Variants in IMPA2 observed in about 807,000 individuals in gnomAD.
IMPA2 encodes IMP 2.
Under a neutral mutation model 35.1 loss-of-function variants are expected in IMPA2, and 32 were observed. The ratio of observed to expected loss-of-function variants is 0.91; its 90% CI spans 0.69 to 1.23. The LOEUF (loss-of-function observed/expected upper bound fraction) is 1.23, where lower values mean the gene tolerates loss of function less well. Ranked by LOEUF, IMPA2 falls within the 50% of genes most tolerant of loss-of-function variation. IMPA2 has a pLI of 0.00. For missense variants in IMPA2, 334 were observed against 387.6 expected (o/e 0.86, Z 1.16); for synonymous variants, 135 against 160.6 (o/e 0.84, Z 1.20).
At chr18:11,987,356 C>T (rs59889312) in intron 1 of IMPA2, among the ~76,000 whole-genome samples, 16,095 of 152,134 alleles carry the variant, frequency 0.11, 1,040 homozygotes, top group East Asian at 0.28. Context: ...TTTGAGACGA[C>T]GTCTAGCTCT....
chr18:12,010,950 T>G lies in IMPA2; in HGVS notation c.335+963T>G, dbSNP rs1907416615. On this transcript the variant is annotated intron_variant, in intron 3 of 7. Transcript: ENST00000269159. This position sits in a 1 kb window ranked among gnomAD's most constrained non-coding sequence, Gnocchi z 4.8. Reference sequence around the variant, plus strand: ...AGTCGTGCCATCTGGTGCCAGCAAATGTGTCACCAATCTCTCCTCTCATTT... The same window carrying G: ...AGTCGTGCCATCTGGTGCCAGCAAAGGTGTCACCAATCTCTCCTCTCATTT... 6.6e-6 allele frequency among the ~76,000 whole-genome samples: 1 copy of G among 152,144 alleles called. No individual in the cohort carries two copies. The highest frequency in any genetic ancestry group is 1.5e-5 in the Non-Finnish European group (1 of 68,040).
At chr18:11,987,395 A>C (rs556766971) in intron 1 of IMPA2, among the ~76,000 whole-genome samples, 4 of 152,240 alleles carry the variant, frequency 2.6e-5, no homozygotes, top group Non-Finnish European at 5.9e-5. Context: ...CAGTGGCGTG[A>C]TCTTGGCTCA....
intron 1 of IMPA2, among the ~76,000 whole-genome samples, chr18:11,988,802 G>A (rs541338949): frequency 1.7e-4 from 26 of 152,264 alleles, no homozygotes; most frequent in African/African-American, 6.3e-4. Flanking sequence ...GTTCTCTTCT[G>A]TGCAGGTTAA....
chr18:12,007,679 C>CTTTCTTTCTTTG (rs1207450457), intron 2 of IMPA2, among the ~76,000 whole-genome samples: 2 of 48,296 alleles, frequency 4.1e-5, no homozygotes, highest in East Asian at 2.6e-3. Context: ...TTCTTTCTTT[C>CTTTCTTTCTTTG]CTTTCTTTCC....
At chr18:12,017,092 T>G (rs1336836214) in intron 5 of IMPA2, among the ~76,000 whole-genome samples, 1 of 152,234 alleles carries the variant, frequency 6.6e-6, no homozygotes, top group Admixed American at 6.5e-5. Context: ...TGGAATATCT[T>G]CAACTCACAA....
At chr18:12,009,532 C>G (rs531175701) in intron 2 of IMPA2, among the ~76,000 whole-genome samples, 5 of 152,260 alleles carry the variant, frequency 3.3e-5, no homozygotes, top group African/African-American at 1.2e-4. Flanking sequence ...TCAGCCTCCT[C>G]CCCTACAGAC....
rs1233049917 is a variant in IMPA2 at position 11,991,050 on chromosome 18, G to A, written c.97-8004G>A. Among the ~76,000 whole-genome samples, 1 of 152,204 alleles carries A rather than the reference G, an allele frequency of 6.6e-6. No individual in the cohort carries two copies. ...GGTGTGAGGTGGAGGCCATCTCCAG[G>A]AAGCTCAGCTGCTGAAGGCAGGTCC... On this transcript the variant is annotated intron_variant, in intron 1 of 7. Transcript: ENST00000269159. This position sits in a 1 kb window ranked among gnomAD's most constrained non-coding sequence, Gnocchi z 4.1.
chr18:12,028,978 G>A lies in IMPA2; in HGVS notation c.736G>A (p.Val246Met), dbSNP rs757011831. ...TVIIREAGGIVIDTSGGPLDL... is the reference protein window; with the variant it reads ...TVIIREAGGIMIDTSGGPLDL... ...CATCATCAGAGAAGCAGGCGGCATC[G>A]TGATAGACACTTCGGGTGAGCTCTC... The change falls in exon 7 of 8, where the codon GTG becomes ATG. Residue 246 changes from valine to methionine, a missense_variant. Val to Met is a conservative substitution (Grantham distance 21, BLOSUM62 1). Transcript: ENST00000269159. 37 of 1,613,602 alleles carry A rather than the reference G, an allele frequency of 2.3e-5. No homozygotes were observed. Among genetic ancestry groups the A allele is most frequent in the South Asian group, 8.8e-5 (8 of 91,084 alleles).
At chr18:11,993,767 AT>A (rs1211074469) in intron 1 of IMPA2, among the ~76,000 whole-genome samples, 2 of 152,224 alleles carry the variant, frequency 1.3e-5, no homozygotes, top group Non-Finnish European at 2.9e-5. Context: ...CAGGGATGTC[AT>A]TGCAGGCACA....
chr18:12,021,922 G>T (rs1376620000), intron 5 of IMPA2: 1 of 152,124 alleles, frequency 6.6e-6, no homozygotes, highest in Non-Finnish European at 1.5e-5. Flanking sequence ...CAGAGCAAGG[G>T]TTTCCAAACT....
At chr18:12,023,040 C>G (rs923151005) in intron 5 of IMPA2, among the ~76,000 whole-genome samples, 4 of 147,786 alleles carry the variant, frequency 2.7e-5, no homozygotes, top group Non-Finnish European at 5.9e-5. Context: ...AATGATCTAC[C>G]TGCTTTGGCC....
At chr18:12,029,326 G>A (rs1473961258) in intron 7 of IMPA2, among the ~76,000 whole-genome samples, 1 of 151,840 alleles carries the variant, frequency 6.6e-6, no homozygotes, top group Non-Finnish European at 1.5e-5. Context: ...GTGTCAGCCA[G>A]GATGCTCTTG....
intron 2 of IMPA2, among the ~76,000 whole-genome samples, chr18:12,005,208 G>A (rs1203728339): frequency 6.6e-6 from 1 of 152,232 alleles, no homozygotes; most frequent in African/African-American, 2.4e-5. Context: ...GCAGTCTCAT[G>A]GGCAGAGGTG....
In IMPA2 at chr18:12,028,977, C is replaced by T. The variant is rs752962478; in HGVS notation, c.735C>T (p.Ile245=). The part of the protein sequence containing the change: ...ATVIIREAGG[I]VIDTSGGPLD... ...TCATCATCAGAGAAGCAGGCGGCAT[C>T]GTGATAGACACTTCGGGTGAGCTCT... The change falls in exon 7 of 8, where the codon ATC becomes ATT. Residue 245 remains isoleucine (I), a synonymous_variant. Transcript: ENST00000269159. 7 of 1,613,478 alleles carry T rather than the reference C, an allele frequency of 4.3e-6. No individual in the cohort carries two copies. Among genetic ancestry groups the T allele is most frequent in the Admixed American group, 3.3e-5 (2 of 59,962 alleles).
intron 6 of IMPA2, chr18:12,028,579 C>G (rs1907947929): frequency 1.9e-6 from 1 of 514,192 alleles, no homozygotes; most frequent in Non-Finnish European, 3.5e-6. Flanking sequence ...GAGGAGGATT[C>G]AATTCTCTGG....
intron 1 of IMPA2, among the ~76,000 whole-genome samples, chr18:11,995,169 T>C (rs552963546): frequency 4.0e-4 from 61 of 152,186 alleles, no homozygotes; most frequent in African/African-American, 1.4e-3. Context: ...GTAAGAGGTA[T>C]GGGGTGGGGT....
rs1288350633 is a variant in IMPA2 at position 12,010,258 on chromosome 18, C to G, written c.335+271C>G. The G allele has an allele frequency of 2.7e-6, 1 of 365,134 alleles. No individual in the cohort carries two copies. The highest frequency in any genetic ancestry group is 5.7e-5 in the East Asian group (1 of 17,568). 22.6% of individuals were successfully genotyped at this position (365,134 alleles called of 1,614,324 possible). Reference sequence around the variant, plus strand: ...ATGTTGGGTTGCATTTAACAAGGACCCCTTGAAGGAGTCTGACTCCCCTCA... The same window carrying G: ...ATGTTGGGTTGCATTTAACAAGGACGCCTTGAAGGAGTCTGACTCCCCTCA... On this transcript the variant is annotated intron_variant, in intron 3 of 7. Transcript: ENST00000269159. This position sits in a 1 kb window ranked among gnomAD's most constrained non-coding sequence, Gnocchi z 4.8.
chr18:11,996,816 A>C (rs1427216987), intron 1 of IMPA2, among the ~76,000 whole-genome samples: 1 of 151,854 alleles, frequency 6.6e-6, no homozygotes, highest in Non-Finnish European at 1.5e-5. Context: ...TTCTCACCCC[A>C]GCTCTATGCA....
chr18:11,984,273 G>C (rs981002343), intron 1 of IMPA2, among the ~76,000 whole-genome samples: 1 of 152,086 alleles, frequency 6.6e-6, no homozygotes, highest in East Asian at 1.9e-4. Context: ...TCTTCCTTCC[G>C]TGACCGTGGG....
Sources: gnomAD v4.1 joint callset for allele counts (sites outside exome capture counted in the v4.1 genomes callset) on GRCh38, gnomAD v4.1.1 for gene constraint, Gnocchi (gnomAD v3.1) non-coding constraint, MANE v1.5 for transcripts, NCBI Gene and HGNC (gene_info 2026-07-23, HGNC 2026-07-21) for gene names.